The following BICC1 variants were observed in gnomAD, a reference collection of about 807,000 sequenced individuals.
The protein encoded by BICC1 is protein bicaudal C homolog 1.
Under a neutral mutation model 111.0 loss-of-function variants are expected in BICC1, and 43 were observed. That is an observed-to-expected ratio of 0.39 (90% confidence interval 0.30 to 0.50). The LOEUF (loss-of-function observed/expected upper bound fraction) is 0.50. Ranked by LOEUF, BICC1 falls within the 20% of genes least tolerant of loss-of-function variation. The pLI is 0.88. For synonymous variants in BICC1, 467 were observed against 434.4 expected (o/e 1.07, Z -0.93); for missense variants, 1,091 against 1,203.2 (o/e 0.91, Z 1.38).
chr10:58,601,955 G>T (rs1248148802), intron 1 of BICC1, among the ~76,000 whole-genome samples: 1 of 152,062 alleles, frequency 6.6e-6, no homozygotes, highest in Non-Finnish European at 1.5e-5. Flanking sequence ...ATATATTTCA[G>T]GATAGGTGTC....
chr10:58,624,776 T>C (rs745785832), intron 2 of BICC1, among the ~76,000 whole-genome samples: 4 of 152,092 alleles, frequency 2.6e-5, no homozygotes, highest in Non-Finnish European at 4.4e-5. Context: ...GTGTTTTTAG[T>C]AGAGATGGGC....
At chr10:58,579,248 T>A (rs1310630625) in intron 1 of BICC1, among the ~76,000 whole-genome samples, 2 of 152,156 alleles carry the variant, frequency 1.3e-5, no homozygotes, top group African/African-American at 4.8e-5. Flanking sequence ...AAACTGAAGC[T>A]CAGTGGGTGT....
intron 1 of BICC1, among the ~76,000 whole-genome samples, chr10:58,604,035 C>A (rs1845128780): frequency 6.6e-6 from 1 of 152,108 alleles, no homozygotes; most frequent in African/African-American, 2.4e-5. Flanking sequence ...TTTTTGAATG[C>A]TTCATCTACT....
At chr10:58,721,107 A>G (rs748830318) in intron 3 of BICC1, among the ~76,000 whole-genome samples, 22 of 152,232 alleles carry the variant, frequency 1.4e-4, no homozygotes, top group Non-Finnish European at 2.9e-4. Flanking sequence ...GAAGGGCTGG[A>G]GTCAGAACAC....
intron 1 of BICC1, among the ~76,000 whole-genome samples, chr10:58,562,805 A>C (rs1843645943): frequency 6.6e-6 from 1 of 150,856 alleles, no homozygotes; most frequent in Non-Finnish European, 1.5e-5. Flanking sequence ...GAGTGTTTTC[A>C]TTTTAGTTCT....
chr10:58,519,245 G>A (rs984804353), intron 1 of BICC1, among the ~76,000 whole-genome samples: 1 of 152,106 alleles, frequency 6.6e-6, no homozygotes, highest in Non-Finnish European at 1.5e-5. Context: ...AAAGGCGGAA[G>A]AAGAAAAATT....
chr10:58,601,953 C>T (rs966908811), intron 1 of BICC1, among the ~76,000 whole-genome samples: 3 of 152,024 alleles, frequency 2.0e-5, no homozygotes, highest in African/African-American at 7.2e-5. Context: ...TTATATATTT[C>T]AGGATAGGTG....
At chr10:58,537,721 A>G (rs1287728061) in intron 1 of BICC1, among the ~76,000 whole-genome samples, 2 of 151,790 alleles carry the variant, frequency 1.3e-5, no homozygotes, top group African/African-American at 4.8e-5. Flanking sequence ...GTGATCATAT[A>G]CCTAGAAAAC....
At chr10:58,655,881 T>A (rs72802425) in intron 2 of BICC1, among the ~76,000 whole-genome samples, 11,887 of 151,508 alleles carry the variant, frequency 0.078, 690 homozygotes, top group Non-Finnish European at 0.13. Context: ...TTATTGAGAG[T>A]TTTTAGCATG....
At chr10:58,681,829 C>T (rs758193614) in intron 2 of BICC1, among the ~76,000 whole-genome samples, 40 of 152,032 alleles carry the variant, frequency 2.6e-4, no homozygotes, top group Non-Finnish European at 4.9e-4. Flanking sequence ...AGGAGTGAAG[C>T]TGCAGACCTT....
At position 58,736,980 on chromosome 10, in the gene BICC1, A is replaced by C. The variant is rs1404774311; in HGVS notation, c.307+34837A>C. On this transcript the variant is annotated intron_variant, in intron 3 of 20. Transcript: ENST00000373886. ...TGGGGCATAGAAATTTTATTTTCAC[A>C]AAAGTATGCTTTATTACACTAGAAT... Among the ~76,000 whole-genome samples, 3 of 152,128 alleles carry C rather than the reference A, an allele frequency of 2.0e-5. No individual in the cohort carries two copies. The East Asian group carries it at 5.8e-4, about 29-fold the overall frequency.
intron 1 of BICC1, among the ~76,000 whole-genome samples, chr10:58,563,873 C>T (rs1035770145): frequency 7.3e-5 from 11 of 150,312 alleles, no homozygotes; most frequent in Admixed American, 1.4e-4. Flanking sequence ...TAATGTTTGC[C>T]GTGAAAAGTA....
chr10:58,583,584 CTGTGTGTGTGTGTGTGTGTG>C (rs3076149), intron 1 of BICC1, among the ~76,000 whole-genome samples: 2 of 139,344 alleles, frequency 1.4e-5, no homozygotes, highest in South Asian at 2.5e-4. Context: ...TTCTCTCTCT[CTGTGTGTGTGTGTGTGTGTG>C]TGTGTGTGTG....
At chr10:58,741,629 C>T (rs1306698712) in intron 3 of BICC1, among the ~76,000 whole-genome samples, 2 of 152,062 alleles carry the variant, frequency 1.3e-5, no homozygotes, top group African/African-American at 2.4e-5. Flanking sequence ...TTATAAGACT[C>T]ATGTTGAGAG....
intron 3 of BICC1, among the ~76,000 whole-genome samples, chr10:58,706,051 G>T (rs1473380316): frequency 6.6e-6 from 1 of 152,134 alleles, no homozygotes; most frequent in African/African-American, 2.4e-5. Context: ...ATTTTGAGTG[G>T]ATAAAAATTT....
At chr10:58,517,556 G>C (rs1842275121) in intron 1 of BICC1, among the ~76,000 whole-genome samples, 1 of 152,168 alleles carries the variant, frequency 6.6e-6, no homozygotes. Flanking sequence ...AAAGAGTAAA[G>C]CTTAAATAAA....
At chr10:58,673,441 C>G (rs1421745404) in intron 2 of BICC1, among the ~76,000 whole-genome samples, 1 of 152,128 alleles carries the variant, frequency 6.6e-6, no homozygotes, top group Non-Finnish European at 1.5e-5. Flanking sequence ...CAGCCTTTAG[C>G]CCTGTGCCTC....
chr10:58,799,292 G>C, intron 12 of BICC1, 40 bp downstream of exon 12: 13 of 1,452,994 alleles, frequency 8.9e-6, no homozygotes, highest in Non-Finnish European at 1.1e-5. Flanking sequence ...GATCTGTACT[G>C]TTTGTAAGAG....
In BICC1 at chr10:58,688,081, C is replaced by A. The variant is rs1839797604; in HGVS notation, c.238-13993C>A. Among the ~76,000 whole-genome samples the A allele has an allele frequency of 1.3e-5, 2 of 152,238 alleles. 1 individual carries two copies. The highest frequency in any genetic ancestry group is 4.1e-4 in the South Asian group (2 of 4,820). On this transcript the variant is annotated intron_variant, in intron 2 of 20. Coordinates refer to ENST00000373886, the MANE Select transcript of BICC1 (RefSeq NM_001080512.3). ...CTTGCCGACTTCACGAGTGAAGCTG[C>A]AGACCTTTACAATGAGTGTTACAGC...
Sources: gnomAD v4.1 joint callset for allele counts (sites outside exome capture counted in the v4.1 genomes callset) on GRCh38, gnomAD v4.1.1 for gene constraint, MANE v1.5 for transcripts, NCBI Gene and HGNC (gene_info 2026-07-23, HGNC 2026-07-21) for gene names.